The following AKR1C8 variants were observed in gnomAD, a reference collection of about 807,000 sequenced individuals.
The protein encoded by AKR1C8 is aldo-keto reductase family 1 member C-like protein 1.
At chr10:5,125,121 C>T in the AKR1C8 span, among the ~76,000 whole-genome samples, 1 of 151,816 alleles carries the variant, frequency 6.6e-6, no homozygotes, top group African/African-American at 2.4e-5. Flanking sequence ...ATAATTTTCT[C>T]TGTAGAAGTT....
chr10:5,149,968 T>C, the AKR1C8 span, among the ~76,000 whole-genome samples: 1 of 151,220 alleles, frequency 6.6e-6, no homozygotes, highest in Non-Finnish European at 1.5e-5. Context: ...TAAAGTCTTC[T>C]GGACTTTGAA....
the AKR1C8 span, among the ~76,000 whole-genome samples, chr10:5,184,255 CCT>C: frequency 6.6e-6 from 1 of 152,158 alleles, no homozygotes; most frequent in African/African-American, 2.4e-5. Context: ...ATCCAGGCCC[CCT>C]CTCTACTCGA....
chr10:5,136,261 G>A, the AKR1C8 span, among the ~76,000 whole-genome samples: 1 of 152,088 alleles, frequency 6.6e-6, no homozygotes, highest in Non-Finnish European at 1.5e-5. Context: ...TGAATGTAAT[G>A]ATTGGGCCAG....
At chr10:5,139,231 T>G in the AKR1C8 span, among the ~76,000 whole-genome samples, 1 of 152,132 alleles carries the variant, frequency 6.6e-6, no homozygotes, top group East Asian at 1.9e-4. Flanking sequence ...CTGCCCAAGG[T>G]AATTTATAGA....
At chr10:5,141,718 G>C in the AKR1C8 span, among the ~76,000 whole-genome samples, 5 of 152,070 alleles carry the variant, frequency 3.3e-5, no homozygotes, top group African/African-American at 1.2e-4. Context: ...TATTTTGAAA[G>C]GAATCTCTAT....
chr10:5,135,150 G>T, the AKR1C8 span: 1 of 223,090 alleles, frequency 4.5e-6, no homozygotes, highest in South Asian at 8.5e-5. Flanking sequence ...TACCTCTGGA[G>T]GTACACAGGT....
chr10:5,151,062 T>C, the AKR1C8 span, among the ~76,000 whole-genome samples: 4 of 151,994 alleles, frequency 2.6e-5, no homozygotes, highest in Non-Finnish European at 5.9e-5. Flanking sequence ...GATTAAATCA[T>C]AGGGAGTTGA....
chr10:5,138,781 C>T, the AKR1C8 span, among the ~76,000 whole-genome samples: 1 of 152,248 alleles, frequency 6.6e-6, no homozygotes, highest in African/African-American at 2.4e-5. Context: ...TGCCCTCTCT[C>T]ACCACTCCTA....
the AKR1C8 span, among the ~76,000 whole-genome samples, chr10:5,176,844 G>T: frequency 2.0e-5 from 3 of 152,168 alleles, no homozygotes; most frequent in African/African-American, 7.2e-5. Context: ...CTGAGACTTT[G>T]CTGAAGTTGC....
At chr10:5,138,534 T>C in the AKR1C8 span, among the ~76,000 whole-genome samples, 19 of 152,262 alleles carry the variant, frequency 1.2e-4, no homozygotes, top group Middle Eastern at 3.4e-3. Context: ...AGTTTTACAA[T>C]CAATGTGTAC....
chr10:5,117,649 C>T, the AKR1C8 span, among the ~76,000 whole-genome samples: 13 of 152,042 alleles, frequency 8.6e-5, no homozygotes, highest in African/African-American at 3.1e-4. Context: ...GGTGGCTGTA[C>T]AAGAAGCATA....
At chr10:5,158,601 A>G in the AKR1C8 span, 5 of 474,540 alleles carry the variant, frequency 1.1e-5, no homozygotes, top group Non-Finnish European at 1.8e-5. Context: ...TCTTATTACC[A>G]CTGTGGGTCT....
the AKR1C8 span, among the ~76,000 whole-genome samples, chr10:5,178,163 G>T: frequency 1.3e-5 from 2 of 152,162 alleles, no homozygotes; most frequent in Admixed American, 6.5e-5. Flanking sequence ...GTGTCCCAGA[G>T]ATTCTGGTAT....
At chr10:5,182,038 C>T in the AKR1C8 span, among the ~76,000 whole-genome samples, 18 of 152,236 alleles carry the variant, frequency 1.2e-4, no homozygotes, top group African/African-American at 3.4e-4. Flanking sequence ...TAAAAAATTA[C>T]TGATCATCAT....
At chr10:5,172,677 G>T in the AKR1C8 span, among the ~76,000 whole-genome samples, 3 of 152,098 alleles carry the variant, frequency 2.0e-5, no homozygotes, top group Admixed American at 6.6e-5. Flanking sequence ...AAAAACGTAT[G>T]CTGGCAACTC....
the AKR1C8 span, among the ~76,000 whole-genome samples, chr10:5,138,676 C>A: frequency 6.6e-6 from 1 of 152,100 alleles, no homozygotes; most frequent in Non-Finnish European, 1.5e-5. Context: ...TGATAAATGT[C>A]CATTAAATCT....
the AKR1C8 span, among the ~76,000 whole-genome samples, chr10:5,157,188 C>A: frequency 8.0e-6 from 1 of 125,780 alleles, no homozygotes; most frequent in Non-Finnish European, 1.8e-5. Context: ...AAACAAAAAA[C>A]TCACTAACAG....
chr10:5,169,169 G>T, the AKR1C8 span, among the ~76,000 whole-genome samples: 15 of 152,210 alleles, frequency 9.9e-5, no homozygotes, highest in Non-Finnish European at 1.8e-4. Flanking sequence ...CTTTCTGGCT[G>T]CTTGTAGTTA....
the AKR1C8 span, among the ~76,000 whole-genome samples, chr10:5,122,433 C>G: frequency 6.6e-6 from 1 of 152,062 alleles, no homozygotes. Flanking sequence ...TTGCTTGAGA[C>G]AGAAAAAGGA....
Sources: gnomAD v4.1 joint callset for allele counts (sites outside exome capture counted in the v4.1 genomes callset) on GRCh38, gnomAD v4.1.1 for gene constraint, MANE v1.5 for transcripts, NCBI Gene and HGNC (gene_info 2026-07-23, HGNC 2026-07-21) for gene names.